Variants in DPP10 observed in about 807,000 individuals in gnomAD.
DPP10 encodes the protein dipeptidyl peptidase like 10.
A neutral mutation model predicts 120.9 loss-of-function variants in DPP10; 33 were observed. That is an observed-to-expected ratio of 0.27 (90% confidence interval 0.21 to 0.37). The LOEUF (loss-of-function observed/expected upper bound fraction) is 0.37, where lower values mean the gene tolerates loss of function less well. DPP10 is among the 10% of genes least tolerant of loss of function. DPP10 has a pLI of 1.00. For missense variants in DPP10, 816 were observed against 942.8 expected (o/e 0.87, Z 1.76); for synonymous variants, 337 against 326.1 (o/e 1.03, Z -0.36).
rs115205667 is a variant in DPP10, at chr2:115,540,635, A to G, written c.441+14663A>G. On this transcript the variant is annotated intron_variant, in intron 5 of 25. Transcript: ENST00000410059. The stretch of plus-strand genomic sequence containing the variant: ...TTATTCGTGCATAATTTTGCACCTT[A>G]AACTAGTTTTGCACCTATAATTTTG... Among the ~76,000 whole-genome samples, 629 of 152,016 alleles carry G rather than the reference A, an allele frequency of 4.1e-3. 2 individuals carry two copies. The highest frequency in any genetic ancestry group is 0.014 in the African/African-American group (583 of 41,544).
intron 3 of DPP10, among the ~76,000 whole-genome samples, chr2:115,376,463 C>A (rs2065801826): frequency 6.6e-6 from 1 of 151,362 alleles, no homozygotes; most frequent in Non-Finnish European, 1.5e-5. Context: ...TTTTGTGCTG[C>A]TCTTCCAAGA....
At chr2:115,172,226 A>T (rs1307676164) in intron 1 of DPP10, among the ~76,000 whole-genome samples, 2 of 152,110 alleles carry the variant, frequency 1.3e-5, no homozygotes, top group African/African-American at 2.4e-5. Flanking sequence ...TCTTGGTAAG[A>T]AAGGCTTCTC....
chr2:115,543,795 A>G (rs577681988), intron 5 of DPP10, among the ~76,000 whole-genome samples: 39 of 152,178 alleles, frequency 2.6e-4, no homozygotes, highest in Middle Eastern at 3.4e-3. Context: ...AGACACAGTC[A>G]ATGAGCGTTA....
chr2:114,983,096 A>G (rs1386985813), intron 1 of DPP10, among the ~76,000 whole-genome samples: 1 of 152,194 alleles, frequency 6.6e-6, no homozygotes, highest in African/African-American at 2.4e-5. Flanking sequence ...CTAATGATGC[A>G]TTATATACAC....
intron 1 of DPP10, among the ~76,000 whole-genome samples, chr2:114,797,865 A>G (rs1042032314): frequency 5.3e-5 from 8 of 152,190 alleles, no homozygotes; most frequent in African/African-American, 1.7e-4. Context: ...ATATAGTAAG[A>G]AAGGGGGAGA....
At chr2:114,835,073 C>T (rs914199245) in intron 1 of DPP10, 1 of 140,512 alleles carries the variant, frequency 7.1e-6, no homozygotes, top group Admixed American at 6.9e-5. Context: ...TATATATAAG[C>T]CATATCTACA....
At chr2:115,374,916 A>T (rs1356053368) in intron 3 of DPP10, among the ~76,000 whole-genome samples, 3 of 152,234 alleles carry the variant, frequency 2.0e-5, no homozygotes, top group African/African-American at 7.2e-5. Context: ...TTTACCTGCT[A>T]GGCCTCTGGG....
At chr2:115,524,160 A>G (rs1033236849) in intron 4 of DPP10, among the ~76,000 whole-genome samples, 22 of 152,134 alleles carry the variant, frequency 1.4e-4, no homozygotes, top group Non-Finnish European at 2.1e-4. Flanking sequence ...ACTAATTACC[A>G]GGAATTAGCG....
chr2:114,540,866 C>T (rs1356893767), intron 1 of DPP10, among the ~76,000 whole-genome samples: 1 of 152,162 alleles, frequency 6.6e-6, no homozygotes, highest in African/African-American at 2.4e-5. Flanking sequence ...TGTCCAATCT[C>T]TTCTTAGTCT....
At chr2:114,663,074 A>T (rs74341475) in intron 1 of DPP10, among the ~76,000 whole-genome samples, 13,586 of 152,000 alleles carry the variant, frequency 0.089, 925 homozygotes, top group Admixed American at 0.19. Context: ...ATACATGTAC[A>T]TATCCATATA....
intron 1 of DPP10, among the ~76,000 whole-genome samples, chr2:114,458,559 T>TG (rs1278523700): frequency 1.3e-5 from 2 of 152,206 alleles, no homozygotes; most frequent in East Asian, 3.8e-4. Flanking sequence ...TTGCTAACAA[T>TG]GTGCGCTTTG....
rs1039776698 is a variant in DPP10, at chr2:115,844,227, A to G, written c.*1882A>G. The G allele has an allele frequency of 6.6e-6, 1 of 152,606 alleles. No individual in the cohort carries two copies. The highest frequency in any genetic ancestry group is 1.5e-5 in the Non-Finnish European group (1 of 68,022). The allele number at this position is 152,606 out of a possible 1,614,324, so 9.5% of individuals were successfully genotyped here. A position where few individuals can be genotyped will look rare whatever the true frequency, so the allele number is the denominator to read the frequency against. On this transcript the variant is annotated 3_prime_UTR_variant, in exon 26 of 26. Transcript: ENST00000410059. ...TTTAGGCTAATTTGAAATCCAACTG[A>G]AGCTTTTTAACCAATATTTTAAATT...
rs148060936 is a variant in DPP10 at position 115,566,878 on chromosome 2, C to G, written c.441+40906C>G. On this transcript the variant is annotated intron_variant, in intron 5 of 25. Transcript: ENST00000410059. ...ATATTCCCATTCTCATTTAATATTACAGGGTTTAATTTTGCCATCATCCTT... is the reference window on the plus strand; with the variant it reads ...ATATTCCCATTCTCATTTAATATTAGAGGGTTTAATTTTGCCATCATCCTT... Among the ~76,000 whole-genome samples the G allele has an allele frequency of 3.3e-5, 5 of 152,208 alleles. No homozygotes were observed. The East Asian group carries it at 9.7e-4, about 29-fold the overall frequency.
intron 1 of DPP10, among the ~76,000 whole-genome samples, chr2:114,622,773 T>G (rs921865867): frequency 6.6e-6 from 1 of 151,984 alleles, no homozygotes; most frequent in Admixed American, 6.6e-5. Context: ...TACCGAAAAA[T>G]GAGAGGGTAT....
chr2:115,589,188 A>C (rs1319812727), intron 5 of DPP10, among the ~76,000 whole-genome samples: 1 of 152,204 alleles, frequency 6.6e-6, no homozygotes, highest in Non-Finnish European at 1.5e-5. Context: ...TCCTGCTTGA[A>C]GTCCTTAAAA....
chr2:115,019,614 T>A (rs1702922850), intron 1 of DPP10, among the ~76,000 whole-genome samples: 1 of 152,182 alleles, frequency 6.6e-6, no homozygotes, highest in African/African-American at 2.4e-5. Flanking sequence ...TGAGGAAAAC[T>A]TTCCCAGCCT....
intron 7 of DPP10, among the ~76,000 whole-genome samples, chr2:115,704,762 A>T (rs956529524): frequency 6.6e-6 from 1 of 152,026 alleles, no homozygotes; most frequent in Non-Finnish European, 1.5e-5. Flanking sequence ...CTGGAACTGC[A>T]ATGATAATCA....
intron 2 of DPP10, among the ~76,000 whole-genome samples, chr2:115,324,872 T>C (rs1005001281): frequency 6.6e-6 from 1 of 152,106 alleles, no homozygotes; most frequent in African/African-American, 2.4e-5. Flanking sequence ...TAGAGGCTAC[T>C]GTTGCCCTAA....
chr2:115,204,564 C>T (rs577831432), intron 1 of DPP10, among the ~76,000 whole-genome samples: 1 of 152,226 alleles, frequency 6.6e-6, no homozygotes, highest in East Asian at 1.9e-4. Context: ...ATGTTACCAC[C>T]CTCATTTTAG....
Sources: allele counts gnomAD v4.1 joint callset (sites outside exome capture counted in the v4.1 genomes callset), GRCh38; gene constraint gnomAD v4.1.1; transcripts MANE v1.5; gene names NCBI Gene and HGNC (gene_info 2026-07-23, HGNC 2026-07-21).